Variants in SCRT2 observed in about 807,000 individuals in gnomAD.
SCRT2 encodes transcriptional repressor scratch 2.
SCRT2 carries 2 observed loss-of-function variants against 3.7 expected under a neutral mutation model. That is an observed-to-expected ratio of 0.54 (90% CI 0.22 to 1.70). The LOEUF (loss-of-function observed/expected upper bound fraction) is 1.70, where lower values mean the gene tolerates loss of function less well. SCRT2 is among the 40% of genes most tolerant of loss of function. The pLI is 0.19. For missense variants in SCRT2, 456 were observed against 468.5 expected, an observed-to-expected ratio of 0.97 and a Z score of 0.25; for synonymous variants, 256 against 220.6, an observed-to-expected ratio of 1.16 and a Z score of -1.42.
At chr20:673,139 C>T (rs372782346) in intron 1 of SCRT2, among the ~76,000 whole-genome samples, 125 of 152,344 alleles carry the variant, frequency 8.2e-4, no homozygotes, top group African/African-American at 2.7e-3. Context: ...GCCAGGGTGC[C>T]TGTCCTCACT....
At position 675,432 on chromosome 20, in the gene SCRT2, T is replaced by C; in HGVS notation, c.133+37A>G. 1 of 1,289,384 alleles carries C rather than the reference T, an allele frequency of 7.8e-7. No individual in the cohort carries two copies. Among genetic ancestry groups the C allele is most frequent in the Non-Finnish European group, 9.9e-7 (1 of 1,008,390 alleles). The allele number at this position is 1,289,384 out of a possible 1,614,324, so 79.9% of individuals were successfully genotyped here. ...GGAGGGCCCCAGCTCCCCTCGCCTC[T>C]TCTCCCAACCCCCCGCCCCCGCCGG... On this transcript the variant is annotated intron_variant, in intron 1 of 1. Coordinates refer to ENST00000246104, the MANE Select transcript of SCRT2 (RefSeq NM_033129.4). This position sits in a 1 kb window ranked among gnomAD's most constrained non-coding sequence, Gnocchi z 6.9.
Position 663,423 on chromosome 20 carries a change from G to C in SCRT2, c.*248C>G. On this transcript the variant is annotated 3_prime_UTR_variant, in exon 2 of 2. Transcript: ENST00000246104. This position sits in a 1 kb window ranked among gnomAD's most constrained non-coding sequence, Gnocchi z 6.9. ...GTTGGGAGCCTTGAAGGCGCGGACAGGGGGGTCAAGGTCCGAGGGATGGCC... is the reference window on the plus strand; with the variant it reads ...GTTGGGAGCCTTGAAGGCGCGGACACGGGGGTCAAGGTCCGAGGGATGGCC... 1 of 378,488 alleles carries C rather than the reference G, an allele frequency of 2.6e-6. No homozygotes were observed. Among genetic ancestry groups the C allele is most frequent in the South Asian group, 1.1e-4 (1 of 8,798 alleles). The allele number at this position is 378,488 out of a possible 1,614,324, so 23.4% of individuals were successfully genotyped here. A position where few individuals can be genotyped will look rare whatever the true frequency, so the allele number is the denominator to read the frequency against.
In SCRT2 at chr20:664,506, A is replaced by C; in HGVS notation, c.134-45T>G. On this transcript the variant is annotated intron_variant, in intron 1 of 1. Transcript: ENST00000246104. The surrounding 1 kb of genome is among the most constrained non-coding windows in gnomAD (Gnocchi z 7.9). ...GAGGGGCGGTGAGAGGAGGCGCCGA[A>C]GAGGGTTTCCCGCTTTGAGCGCGTC... 2 of 1,197,552 alleles carry C rather than the reference A, an allele frequency of 1.7e-6. No homozygotes were observed. The highest frequency in any genetic ancestry group is 2.1e-6 in the Non-Finnish European group (2 of 952,982). The allele number at this position is 1,197,552 out of a possible 1,614,324, so 74.2% of individuals were successfully genotyped here.
intron 1 of SCRT2, among the ~76,000 whole-genome samples, chr20:673,301 C>T (rs1447858923): frequency 6.6e-6 from 1 of 152,246 alleles, no homozygotes; most frequent in Non-Finnish European, 1.5e-5. Flanking sequence ...CAGGCATCTC[C>T]AGTGCCTGAC....
intron 1 of SCRT2, among the ~76,000 whole-genome samples, chr20:673,418 G>A (rs1984409054): frequency 6.6e-6 from 1 of 152,230 alleles, no homozygotes; most frequent in South Asian, 2.1e-4. Context: ...GACCAGAGAA[G>A]GGAAGGCACT....
chr20:672,935 C>T (rs531358068), intron 1 of SCRT2, among the ~76,000 whole-genome samples: 2 of 152,150 alleles, frequency 1.3e-5, no homozygotes, highest in South Asian at 2.1e-4. Context: ...CAGGAGCCGG[C>T]GGGCTCTCAG....
Position 664,402 on chromosome 20 carries a change from C to A in SCRT2, c.193G>T (p.Glu65Ter). 1.4e-6 allele frequency: 2 copies of A among 1,384,436 alleles called. No homozygotes were observed. Among genetic ancestry groups the A allele is most frequent in the Non-Finnish European group, 1.9e-6 (2 of 1,057,352 alleles). 85.8% of individuals were successfully genotyped at this position (1,384,436 alleles called of 1,614,324 possible). The stretch of plus-strand genomic sequence containing the variant: ...TACGCGGGCTCGGCCGGGGCCAGCT[C>A]CAGGCCCGGCTTCTGGTCCGCATCG... The part of the protein sequence containing the change: ...SYDADQKPGL[E>*]LAPAEPAYPP... Residue 65 changes from glutamate to a stop codon, truncating the protein, a stop_gained, in exon 2 of 2, where the codon GAG becomes TAG. Transcript: ENST00000246104. LOFTEE classifies it low-confidence loss of function (END_TRUNC). The surrounding 1 kb of genome is among the most constrained non-coding windows in gnomAD (Gnocchi z 7.9).
rs957459909 is a variant in SCRT2, at chr20:665,095, T to C, written c.134-634A>G. Among the ~76,000 whole-genome samples the C allele has an allele frequency of 3.3e-5, 5 of 152,240 alleles. No homozygotes were observed. The highest frequency in any genetic ancestry group is 1.2e-4 in the African/African-American group (5 of 41,468). On this transcript the variant is annotated intron_variant, in intron 1 of 1. Transcript: ENST00000246104. This position sits in a 1 kb window ranked among gnomAD's most constrained non-coding sequence, Gnocchi z 5.0. Reference sequence around the variant, plus strand: ...GTCACAGACCCAAGGAAGTCGGCACTATTGTAATCCCCATTTGATGTGTAA... The same window carrying C: ...GTCACAGACCCAAGGAAGTCGGCACCATTGTAATCCCCATTTGATGTGTAA...
intron 1 of SCRT2, among the ~76,000 whole-genome samples, chr20:668,477 A>G (rs964425818): frequency 1.3e-5 from 2 of 152,220 alleles, no homozygotes; most frequent in African/African-American, 2.4e-5. Flanking sequence ...GCTGGGATTC[A>G]GAGAAAAGAG....
intron 1 of SCRT2, among the ~76,000 whole-genome samples, chr20:673,424 G>A (rs1042927990): frequency 1.3e-5 from 2 of 152,208 alleles, no homozygotes; most frequent in African/African-American, 2.4e-5. Flanking sequence ...AGAAGGGAAG[G>A]CACTTGCCCA....
At position 664,300 on chromosome 20, in the gene SCRT2, C is replaced by A; in HGVS notation, c.295G>T (p.Glu99Ter). The A allele has an allele frequency of 6.7e-7, 1 of 1,498,432 alleles. No homozygotes were observed. Among genetic ancestry groups the A allele is most frequent in the South Asian group, 1.3e-5 (1 of 79,018 alleles). The allele number at this position is 1,498,432 out of a possible 1,614,324, so 92.8% of individuals were successfully genotyped here. A position where few individuals can be genotyped will look rare whatever the true frequency, so the allele number is the denominator to read the frequency against. The change falls in exon 2 of 2, where the codon GAG becomes TAG. Residue 99 changes from glutamate to a stop codon, truncating the protein, a stop_gained. Transcript: ENST00000246104. LOFTEE classifies it low-confidence loss of function (END_TRUNC). The surrounding 1 kb of genome is among the most constrained non-coding windows in gnomAD (Gnocchi z 7.9). ...SSLSARYFRG[E>*]AAVTDSYSMD... Reference sequence around the variant, plus strand: ...GAGTAGCTGTCGGTCACTGCCGCCTCCCCTCGGAAGTAGCGCGCCGACAGG... The same window carrying A: ...GAGTAGCTGTCGGTCACTGCCGCCTACCCTCGGAAGTAGCGCGCCGACAGG...
intron 1 of SCRT2, among the ~76,000 whole-genome samples, chr20:674,378 ATCTCTC>A (rs142958054): frequency 4.9e-5 from 5 of 102,132 alleles, no homozygotes; most frequent in South Asian, 3.6e-4. Flanking sequence ...CCCCACCCCC[ATCTCTC>A]TCTCTCTCTC....
At chr20:673,164 A>G (rs908580157) in intron 1 of SCRT2, among the ~76,000 whole-genome samples, 2 of 152,224 alleles carry the variant, frequency 1.3e-5, no homozygotes, top group Non-Finnish European at 2.9e-5. Flanking sequence ...GGTAGCCTAC[A>G]GAGACCAAAG....
In SCRT2 at chr20:667,907, G is replaced by A. The variant is rs1422994032; in HGVS notation, c.134-3446C>T. 6.6e-6 allele frequency among the ~76,000 whole-genome samples: 1 copy of A among 152,122 alleles called. No homozygotes were observed. Among genetic ancestry groups the A allele is most frequent in the Non-Finnish European group, 1.5e-5 (1 of 68,014 alleles). On this transcript the variant is annotated intron_variant, in intron 1 of 1. Coordinates refer to ENST00000246104, the MANE Select transcript of SCRT2 (RefSeq NM_033129.4). The surrounding 1 kb of genome is among the most constrained non-coding windows in gnomAD (Gnocchi z 4.4). The stretch of plus-strand genomic sequence containing the variant: ...TACATGACAAAGATGGACTGGAATG[G>A]TCTAAAGACCCTTTCTGCATCATGG...
Position 663,928 on chromosome 20 carries a change from G to T in SCRT2, c.667C>A (p.Arg223=), listed in dbSNP as rs776043021. 1.2e-5 allele frequency: 20 copies of T among 1,608,098 alleles called. No homozygotes were observed. In the African/African-American group the frequency reaches 2.4e-4, roughly 19 times the overall value. The change falls in exon 2 of 2, where the codon CGG becomes AGG. Residue 223 remains arginine (R), a synonymous_variant. Coordinates refer to ENST00000246104, the MANE Select transcript of SCRT2 (RefSeq NM_033129.4). This position sits in a 1 kb window ranked among gnomAD's most constrained non-coding sequence, Gnocchi z 6.9. The part of the protein sequence containing the change: ...KCGVCGKAFS[R]PWLLQGHMRS... The stretch of plus-strand genomic sequence containing the variant: ...ATGTGACCCTGCAGCAGCCAGGGCC[G>T]CGAGAAGGCCTTGCCGCAGACGCCG...
Position 665,986 on chromosome 20 carries a change from TCCAGGCCTTTG to T in SCRT2, c.134-1536_134-1526del, listed in dbSNP as rs1255353655. 5.9e-5 allele frequency among the ~76,000 whole-genome samples: 9 copies of T among 152,356 alleles called. No homozygotes were observed. In the East Asian group the frequency reaches 1.2e-3, roughly 20 times the overall value. On this transcript the variant is annotated intron_variant, in intron 1 of 1. Transcript: ENST00000246104. This position sits in a 1 kb window ranked among gnomAD's most constrained non-coding sequence, Gnocchi z 5.0. Reference sequence around the variant, plus strand: ...CCCACACAGCCTGGCTGATTCAGCCTCCAGGCCTTTGCCTCTCATCTGGAGTTTGGGATGGA... The same window carrying T: ...CCCACACAGCCTGGCTGATTCAGCCTCCTCTCATCTGGAGTTTGGGATGGA...
chr20:669,846 C>A (rs1984274460), intron 1 of SCRT2, among the ~76,000 whole-genome samples: 1 of 152,216 alleles, frequency 6.6e-6, no homozygotes, highest in Non-Finnish European at 1.5e-5. Context: ...GGCACTGGAC[C>A]AGAAATGACA....
At position 663,844 on chromosome 20, in the gene SCRT2, C is replaced by T; in HGVS notation, c.751G>A (p.Asp251Asn). 6.3e-7 allele frequency: 1 copy of T among 1,597,206 alleles called. No homozygotes were observed. The highest frequency in any genetic ancestry group is 8.5e-7 in the Non-Finnish European group (1 of 1,174,192). Reference sequence around the variant, plus strand: ...ATGTGCGCGCGCAGGTTGGAGCGGTCGGCGAAGGCCTTGCCGCAGTGCGCG... The same window carrying T: ...ATGTGCGCGCGCAGGTTGGAGCGGTTGGCGAAGGCCTTGCCGCAGTGCGCG... ...GCAHCGKAFA[D>N]RSNLRAHMQT... Residue 251 changes from aspartate to asparagine, a missense_variant, in exon 2 of 2, where the codon GAC becomes AAC. Physicochemically the swap from Asp to Asn is conservative, Grantham distance 23. Coordinates refer to ENST00000246104, the MANE Select transcript of SCRT2 (RefSeq NM_033129.4). The surrounding 1 kb of genome is among the most constrained non-coding windows in gnomAD (Gnocchi z 6.9).
chr20:672,268 C>A (rs1285503735), intron 1 of SCRT2, among the ~76,000 whole-genome samples: 1 of 152,046 alleles, frequency 6.6e-6, no homozygotes, highest in Non-Finnish European at 1.5e-5. Flanking sequence ...GCTCCCCTTC[C>A]CTGTTTAGGA....
Sources: gnomAD v4.1 joint callset for allele counts (sites outside exome capture counted in the v4.1 genomes callset) on GRCh38, gnomAD v4.1.1 for gene constraint, Gnocchi (gnomAD v3.1) non-coding constraint, MANE v1.5 for transcripts, NCBI Gene and HGNC (gene_info 2026-07-23, HGNC 2026-07-21) for gene names.